IGSF21: variants seen among roughly 807,000 people sequenced by gnomAD.
The protein encoded by IGSF21 is immunoglobin superfamily member 21.
In IGSF21, 28 loss-of-function variants were observed where a neutral mutation model predicts 46.8. The ratio of observed to expected loss-of-function variants is 0.60; its 90% CI spans 0.44 to 0.82. IGSF21 has a LOEUF of 0.82. Ranked by LOEUF, IGSF21 falls within the 40% of genes least tolerant of loss-of-function variation. The pLI, the probability that IGSF21 is intolerant of heterozygous loss-of-function variation, is 0.00. For synonymous variants in IGSF21, 284 were observed against 273.6 expected (o/e 1.04, Z -0.38); for missense variants, 624 against 665.5 (o/e 0.94, Z 0.69).
intron 1 of IGSF21, among the ~76,000 whole-genome samples, chr1:18,193,475 G>T (rs1001090779): frequency 7.2e-5 from 11 of 152,176 alleles, no homozygotes; most frequent in Non-Finnish European, 1.3e-4. Flanking sequence ...GCAGGCTGAG[G>T]AGCCAGGAGT....
chr1:18,308,820 T>C (rs1281876138), intron 3 of IGSF21, among the ~76,000 whole-genome samples: 4 of 151,778 alleles, frequency 2.6e-5, no homozygotes, highest in Non-Finnish European at 4.4e-5. Flanking sequence ...AGAGCCTGAG[T>C]CCATGCCCAG....
chr1:18,108,364 C>T (rs867536500), intron 1 of IGSF21, among the ~76,000 whole-genome samples, 166 bp downstream of exon 1: 1 of 152,030 alleles, frequency 6.6e-6, no homozygotes, highest in African/African-American at 2.4e-5. Context: ...GAGGACGCCT[C>T]TTGGAGAGCG....
At chr1:18,272,713 G>C (rs995693134) in intron 2 of IGSF21, among the ~76,000 whole-genome samples, 1 of 152,226 alleles carries the variant, frequency 6.6e-6, no homozygotes, top group East Asian at 1.9e-4. Flanking sequence ...GGACCTGGCT[G>C]CCCTGGGGCA....
intron 3 of IGSF21, among the ~76,000 whole-genome samples, chr1:18,301,343 TG>T (rs2085359822): frequency 6.6e-6 from 1 of 152,144 alleles, no homozygotes; most frequent in Non-Finnish European, 1.5e-5. Flanking sequence ...TTTGTTTGTT[TG>T]TTTGTTTGTT....
rs974038863 is a variant in IGSF21 at position 18,231,311 on chromosome 1, T to C, written c.183+3301T>C. 3.3e-5 allele frequency among the ~76,000 whole-genome samples: 5 copies of C among 152,316 alleles called. No homozygotes were observed. In the East Asian group the frequency reaches 9.7e-4, roughly 29 times the overall value. On this transcript the variant is annotated intron_variant, in intron 2 of 9. Transcript: ENST00000251296. The stretch of plus-strand genomic sequence containing the variant: ...AATCAGGGCAGCTGATGAAATTATC[T>C]GAAGCCATAGGGATCACCTAACCTT...
At chr1:18,333,612 G>A (rs2085736585) in intron 3 of IGSF21, among the ~76,000 whole-genome samples, 1 of 152,214 alleles carries the variant, frequency 6.6e-6, no homozygotes, top group African/African-American at 2.4e-5. Flanking sequence ...AAGGTCCCAT[G>A]ATTTACAAAC....
intron 2 of IGSF21, among the ~76,000 whole-genome samples, chr1:18,252,236 G>T (rs1363022326): frequency 2.0e-5 from 3 of 151,782 alleles, no homozygotes; most frequent in African/African-American, 4.8e-5. Context: ...ATTTTTAGTA[G>T]AAATGGGGTT....
At chr1:18,309,047 C>CTGG (rs2085455159) in intron 3 of IGSF21, among the ~76,000 whole-genome samples, 1 of 152,002 alleles carries the variant, frequency 6.6e-6, no homozygotes. Context: ...GCTCCACCAG[C>CTGG]TGGGTGAGAG....
intron 1 of IGSF21, among the ~76,000 whole-genome samples, chr1:18,140,426 A>G (rs61099614): frequency 0.012 from 1,825 of 152,072 alleles, 35 homozygotes; most frequent in African/African-American, 0.041. Flanking sequence ...TTATTTTCTC[A>G]CAGTCTGCAT....
Position 18,273,517 on chromosome 1 carries a change from T to TTTCC in IGSF21, c.184-18346_184-18345insCTTC, listed in dbSNP as rs1356188674. Among the ~76,000 whole-genome samples, 112 of 99,258 alleles carry TTTCC rather than the reference T, an allele frequency of 1.1e-3. 8 individuals are homozygous for TTTCC. The highest frequency in any genetic ancestry group is 5.0e-3 in the Middle Eastern group (1 of 202). The allele number at this position is 99,258 out of a possible 152,430, so 65.1% of individuals were successfully genotyped here. On this transcript the variant is annotated intron_variant, in intron 2 of 9. Coordinates refer to ENST00000251296, the MANE Select transcript of IGSF21 (RefSeq NM_032880.5). ...CTTTCTTTCTTTCTTTCTTTCTTTC[T>TTTCC]TTCGTCTTTCTTTACTTTTTTTTTT...
chr1:18,353,633 A>T (rs1420492505), intron 4 of IGSF21, among the ~76,000 whole-genome samples: 1 of 152,190 alleles, frequency 6.6e-6, no homozygotes, highest in Non-Finnish European at 1.5e-5. Flanking sequence ...TTGAGGGGTG[A>T]CATTTGAGCT....
chr1:18,236,017 T>G (rs1017462038), intron 2 of IGSF21, among the ~76,000 whole-genome samples: 1 of 152,142 alleles, frequency 6.6e-6, no homozygotes, highest in Non-Finnish European at 1.5e-5. Context: ...TCAGGATGAC[T>G]CCCTGCTTTG....
intron 2 of IGSF21, among the ~76,000 whole-genome samples, chr1:18,260,659 T>C (rs917214349): frequency 6.6e-6 from 1 of 152,246 alleles, no homozygotes; most frequent in Non-Finnish European, 1.5e-5. Context: ...AAGGGGGCAG[T>C]AACTTCTGAG....
chr1:18,135,107 T>C (rs1313647785), intron 1 of IGSF21, among the ~76,000 whole-genome samples: 1 of 152,130 alleles, frequency 6.6e-6, no homozygotes, highest in Admixed American at 6.5e-5. Flanking sequence ...TTCAGGAAGC[T>C]GGGGAGAGAA....
intron 1 of IGSF21, among the ~76,000 whole-genome samples, chr1:18,151,657 C>A (rs1249468663): frequency 2.0e-5 from 3 of 151,996 alleles, no homozygotes; most frequent in African/African-American, 7.3e-5. Context: ...TGTCTGGGGC[C>A]AGGCCTGGGC....
At chr1:18,316,580 G>A (rs1004685519) in intron 3 of IGSF21, among the ~76,000 whole-genome samples, 2 of 152,268 alleles carry the variant, frequency 1.3e-5, no homozygotes, top group South Asian at 2.1e-4. Context: ...CCTGTCCCTA[G>A]GTCCCAGCTG....
At chr1:18,153,722 T>C (rs1570273480) in intron 1 of IGSF21, among the ~76,000 whole-genome samples, 1 of 115,330 alleles carries the variant, frequency 8.7e-6, no homozygotes, top group Admixed American at 9.5e-5. Context: ...ATGGCAGAGG[T>C]GGTGGGGTGG....
chr1:18,163,177 C>T (rs994403856), intron 1 of IGSF21, among the ~76,000 whole-genome samples: 6 of 151,830 alleles, frequency 4.0e-5, no homozygotes, highest in Non-Finnish European at 8.8e-5. Flanking sequence ...TCTGTGAGCC[C>T]GTTTCCTAAA....
At chr1:18,196,835 G>T (rs2087013819) in intron 1 of IGSF21, among the ~76,000 whole-genome samples, 1 of 152,122 alleles carries the variant, frequency 6.6e-6, no homozygotes, top group Admixed American at 6.5e-5. Flanking sequence ...GGAAGATGCT[G>T]TTTTCCCAGG....
Sources: gnomAD v4.1 joint callset for allele counts (sites outside exome capture counted in the v4.1 genomes callset) on GRCh38, gnomAD v4.1.1 for gene constraint, MANE v1.5 for transcripts, NCBI Gene and HGNC (gene_info 2026-07-23, HGNC 2026-07-21) for gene names.